The following MECOM variants were observed in gnomAD, a reference collection of about 807,000 sequenced individuals.
The protein encoded by MECOM is MDS1 and EVI1 complex locus.
Under a neutral mutation model 116.3 loss-of-function variants are expected in MECOM, and 13 were observed. The observed-to-expected ratio is 0.11, with a 90% CI of 0.07 to 0.18. The LOEUF (loss-of-function observed/expected upper bound fraction) is 0.18. Among genes scored for constraint, MECOM ranks in the 10% least tolerant of loss-of-function variants. The pLI, the probability that MECOM is intolerant of heterozygous loss-of-function variation, is 1.00. For missense variants in MECOM, 1,299 were observed against 1,509.0 expected (o/e 0.86, Z 2.31); for synonymous variants, 528 against 535.2 (o/e 0.99, Z 0.19).
At chr3:169,217,532 C>T (rs1464904666) in intron 2 of MECOM, among the ~76,000 whole-genome samples, 1 of 152,068 alleles carries the variant, frequency 6.6e-6, no homozygotes, top group Non-Finnish European at 1.5e-5. Context: ...CACCTGTAAT[C>T]CCAGAACTTT....
intron 2 of MECOM, among the ~76,000 whole-genome samples, chr3:169,290,364 A>C (rs1390225242): frequency 6.6e-6 from 1 of 152,210 alleles, no homozygotes; most frequent in Non-Finnish European, 1.5e-5. Flanking sequence ...CAGATTTATT[A>C]GTTATTCCTT....
At chr3:169,482,325 G>GTTCTTTTTGTTTTT (rs1560334098) in intron 1 of MECOM, among the ~76,000 whole-genome samples, 22 of 103,698 alleles carry the variant, frequency 2.1e-4, no homozygotes, top group African/African-American at 8.9e-4. Flanking sequence ...CTTAACCCAC[G>GTTCTTTTTGTTTTT]TTCTTTTTTT....
At chr3:169,441,132 C>T (rs762830231) in intron 1 of MECOM, among the ~76,000 whole-genome samples, 65 of 152,144 alleles carry the variant, frequency 4.3e-4, no homozygotes, top group Middle Eastern at 3.2e-3. Flanking sequence ...GTAGCCATTT[C>T]CCAAGCTGGC....
chr3:169,536,647 G>T (rs1250407899), intron 1 of MECOM, among the ~76,000 whole-genome samples: 4 of 152,012 alleles, frequency 2.6e-5, no homozygotes, highest in Admixed American at 2.6e-4. Flanking sequence ...CTTCCAAAGG[G>T]GAAAATCCAC....
At chr3:169,127,328 T>A (rs943787313) in intron 5 of MECOM, among the ~76,000 whole-genome samples, 8 of 152,124 alleles carry the variant, frequency 5.3e-5, no homozygotes, top group African/African-American at 1.7e-4. Flanking sequence ...TTTTAGGAAA[T>A]TCAACACTTT....
intron 1 of MECOM, among the ~76,000 whole-genome samples, chr3:169,529,940 T>G (rs763868711): frequency 2.0e-5 from 3 of 152,160 alleles, no homozygotes; most frequent in Non-Finnish European, 4.4e-5. Context: ...TGCTCTCAAA[T>G]AACTCAAAGT....
intron 1 of MECOM, among the ~76,000 whole-genome samples, chr3:169,502,077 T>C (rs75102191): frequency 0.017 from 2,648 of 152,242 alleles, 27 homozygotes; most frequent in Middle Eastern, 0.037. Context: ...TTTATGATCC[T>C]CATTGTAGTT....
At chr3:169,598,269 G>A (rs1195172161) in intron 1 of MECOM, among the ~76,000 whole-genome samples, 2 of 152,136 alleles carry the variant, frequency 1.3e-5, no homozygotes, top group African/African-American at 4.8e-5. Context: ...TTTAAAACCA[G>A]GTGCCAATTT....
intron 1 of MECOM, among the ~76,000 whole-genome samples, chr3:169,648,587 T>C (rs1372012636): frequency 1.3e-5 from 2 of 152,240 alleles, no homozygotes; most frequent in Non-Finnish European, 2.9e-5. Context: ...AGTAAAGATG[T>C]TCAATGCACT....
rs559386447 is a variant in MECOM, at chr3:169,531,578, A to G, written c.37+131758T>C. Among the ~76,000 whole-genome samples the G allele has an allele frequency of 4.6e-5, 7 of 152,258 alleles. 1 individual carries two copies. The highest frequency in any genetic ancestry group is 1.7e-4 in the African/African-American group (7 of 41,556). On this transcript the variant is annotated intron_variant, in intron 1 of 16. Transcript: ENST00000651503. ...CTTAGTCACATGGCCATCAAACTAC[A>G]AAGACCTGAACCCAGGCCTCCTAAC... is the stretch of plus-strand genomic sequence containing the variant.
At chr3:169,193,488 A>C (rs574713922) in intron 2 of MECOM, among the ~76,000 whole-genome samples, 3 of 152,042 alleles carry the variant, frequency 2.0e-5, no homozygotes, top group African/African-American at 7.2e-5. Flanking sequence ...AAAATAAATA[A>C]ATTTTCCTAT....
At chr3:169,577,108 T>C (rs964340104) in intron 1 of MECOM, among the ~76,000 whole-genome samples, 4 of 152,168 alleles carry the variant, frequency 2.6e-5, no homozygotes, top group Admixed American at 2.6e-4. Flanking sequence ...AGCAAGTGAA[T>C]TGACATCTCT....
chr3:169,582,246 A>T (rs1765205863), intron 1 of MECOM, among the ~76,000 whole-genome samples: 2 of 152,106 alleles, frequency 1.3e-5, no homozygotes, highest in African/African-American at 2.4e-5. Flanking sequence ...GCGAGAGTAG[A>T]TGAAGAAGAA....
chr3:169,415,063 C>T (rs1738310794), intron 1 of MECOM, among the ~76,000 whole-genome samples: 2 of 152,132 alleles, frequency 1.3e-5, no homozygotes, highest in South Asian at 2.1e-4. Context: ...AGAAGAGCAA[C>T]CCCAAGACAC....
At chr3:169,377,453 C>T (rs184821226) in intron 2 of MECOM, among the ~76,000 whole-genome samples, 33 of 152,078 alleles carry the variant, frequency 2.2e-4, no homozygotes, top group East Asian at 7.7e-4. Context: ...CAAATCTAGA[C>T]GGAACTTAAA....
intron 2 of MECOM, among the ~76,000 whole-genome samples, chr3:169,285,366 T>C (rs959333763): frequency 6.6e-6 from 1 of 152,222 alleles, no homozygotes; most frequent in East Asian, 1.9e-4. Flanking sequence ...AAATTTTCCA[T>C]GTCCCACAGA....
At chr3:169,449,090 G>A (rs770494120) in intron 1 of MECOM, among the ~76,000 whole-genome samples, 7 of 152,092 alleles carry the variant, frequency 4.6e-5, no homozygotes, top group Middle Eastern at 3.2e-3. Context: ...GCTCAATCAC[G>A]AAAGGTCTTT....
intron 2 of MECOM, among the ~76,000 whole-genome samples, chr3:169,212,684 A>ATATATG (rs1559999989): frequency 3.1e-5 from 4 of 127,310 alleles, no homozygotes; most frequent in Non-Finnish European, 4.9e-5. Flanking sequence ...ATATATATAT[A>ATATATG]TGCAACAAAA....
At chr3:169,572,577 A>C (rs956680464) in intron 1 of MECOM, among the ~76,000 whole-genome samples, 1 of 152,214 alleles carries the variant, frequency 6.6e-6, no homozygotes, top group African/African-American at 2.4e-5. Context: ...AATAGCAAAG[A>C]CTTGGAACCA....
Sources: allele counts gnomAD v4.1 joint callset (sites outside exome capture counted in the v4.1 genomes callset), GRCh38; gene constraint gnomAD v4.1.1; transcripts MANE v1.5; gene names NCBI Gene and HGNC (gene_info 2026-07-23, HGNC 2026-07-21).